Variants in LSP1 observed in about 807,000 individuals in gnomAD.
LSP1 encodes lymphocyte-specific protein 1.
In LSP1, 32 loss-of-function variants were observed where a neutral mutation model predicts 49.3. The ratio of observed to expected loss-of-function variants is 0.65; its 90% CI spans 0.49 to 0.87. The LOEUF (loss-of-function observed/expected upper bound fraction) is 0.87, where lower values mean the gene tolerates loss of function less well. LSP1 is among the 40% of genes least tolerant of loss of function. LSP1 has a pLI of 0.00. For synonymous variants in LSP1, 179 were observed against 178.8 expected (o/e 1.00, Z -0.01); for missense variants, 428 against 442.6 (o/e 0.97, Z 0.30).
Position 1,874,117 on chromosome 11 carries a change from C to CCGGGGACAG in LSP1, c.54-5970_54-5969insCGGGGACAG, listed in dbSNP as rs1565079710. ...CAGGGAGGCCGGCAGAGGAGGGAGG[C>CCGGGGACAG]TGGGGACAGTGGGGGCAGGCCGGGG... On this transcript the variant is annotated intron_variant, in intron 1 of 10. Coordinates refer to ENST00000311604, the MANE Select transcript of LSP1 (RefSeq NM_002339.3). 3.2e-4 allele frequency among the ~76,000 whole-genome samples: 45 copies of CCGGGGACAG among 140,986 alleles called. 1 individual carries two copies. Among genetic ancestry groups the CCGGGGACAG allele is most frequent in the Non-Finnish European group, 5.4e-4 (35 of 64,944 alleles). The allele number at this position is 140,986 out of a possible 152,430, so 92.5% of individuals were successfully genotyped here.
chr11:1,857,172 G>A (rs1399849064), intron 1 of LSP1, among the ~76,000 whole-genome samples: 2 of 152,178 alleles, frequency 1.3e-5, no homozygotes, highest in African/African-American at 4.8e-5. Context: ...AGCTGGGCTG[G>A]TCGCACAAGT....
chr11:1,873,551 A>G (rs1340524555), intron 1 of LSP1, among the ~76,000 whole-genome samples: 2 of 150,248 alleles, frequency 1.3e-5, no homozygotes, highest in African/African-American at 4.9e-5. Context: ...GGAGGGAAGG[A>G]TAGAGGGAGG....
chr11:1,888,243 C>G (rs1364575081), intron 10 of LSP1, among the ~76,000 whole-genome samples: 1 of 152,222 alleles, frequency 6.6e-6, no homozygotes, highest in Non-Finnish European at 1.5e-5. Flanking sequence ...CTGTGTCCCT[C>G]TCCTGTGGTT....
At chr11:1,889,413 C>G (rs903784464) in intron 10 of LSP1, 10 of 680,482 alleles carry the variant, frequency 1.5e-5, no homozygotes, top group Non-Finnish European at 2.5e-5. Flanking sequence ...GGCGGGGGCC[C>G]GGGGTGCGGT....
At chr11:1,862,487 T>G (rs1847667889) in intron 1 of LSP1, among the ~76,000 whole-genome samples, 1 of 152,186 alleles carries the variant, frequency 6.6e-6, no homozygotes, top group Non-Finnish European at 1.5e-5. Context: ...TTCCTGGCTG[T>G]CTGTGGCTGG....
intron 7 of LSP1, among the ~76,000 whole-genome samples, chr11:1,886,166 C>G (rs1565088536): frequency 6.6e-6 from 1 of 152,104 alleles, no homozygotes; most frequent in Non-Finnish European, 1.5e-5. Flanking sequence ...TCCATCCAAC[C>G]AATACTCCTT....
chr11:1,881,287 G>A, intron 2 of LSP1, 145 bp from the exon 3 acceptor site: 1 of 767,846 alleles, frequency 1.3e-6, no homozygotes, highest in Non-Finnish European at 2.0e-6. Flanking sequence ...GACCACAGGA[G>A]ACACAGCCCA....
rs1589808738 is a variant in LSP1, at chr11:1,864,198, AAG to A, written c.53+11004_53+11005del. On this transcript the variant is annotated intron_variant, in intron 1 of 10. Transcript: ENST00000311604. ...AGACGGGGAAGGAGGGGACGGGACAAAGAGGAACCAGCGAAGGGTCCAGGCCT... is the reference window on the plus strand; with the variant it reads ...AGACGGGGAAGGAGGGGACGGGACAAAGGAACCAGCGAAGGGTCCAGGCCT... 4.1e-6 allele frequency: 4 copies of A among 986,904 alleles called. No individual in the cohort carries two copies. In the East Asian group the frequency reaches 4.6e-4, roughly 113 times the overall value. The allele number at this position is 986,904 out of a possible 1,614,324, so 61.1% of individuals were successfully genotyped here.
chr11:1,855,953 A>C (rs1458124127), intron 1 of LSP1, among the ~76,000 whole-genome samples: 1 of 152,188 alleles, frequency 6.6e-6, no homozygotes, highest in Non-Finnish European at 1.5e-5. Context: ...TTGCCCTCTC[A>C]GACCTTGGGT....
chr11:1,864,977 G>A (rs1002848868), intron 1 of LSP1, among the ~76,000 whole-genome samples: 6 of 152,014 alleles, frequency 3.9e-5, no homozygotes, highest in African/African-American at 1.4e-4. Context: ...CAGGGGAGGG[G>A]TGACAGCCAG....
chr11:1,860,421 G>A (rs1167831698), intron 1 of LSP1, among the ~76,000 whole-genome samples: 2 of 152,138 alleles, frequency 1.3e-5, no homozygotes, highest in African/African-American at 2.4e-5. Flanking sequence ...ATGGACTCAT[G>A]TATAAATAGA....
Position 1,873,746 on chromosome 11 carries a change from G to A in LSP1, c.54-6341G>A, listed in dbSNP as rs553347862. ...AGAAGAAAAAGCTGGAACCAAGTCTGGGCTAGTCTGGTGGTTGTGGGGCAG... is the reference window on the plus strand; with the variant it reads ...AGAAGAAAAAGCTGGAACCAAGTCTAGGCTAGTCTGGTGGTTGTGGGGCAG... On this transcript the variant is annotated intron_variant, in intron 1 of 10. Transcript: ENST00000311604. Among the ~76,000 whole-genome samples the A allele has an allele frequency of 3.5e-4, 54 of 152,208 alleles. 1 individual carries two copies. Among genetic ancestry groups the A allele is most frequent in the Middle Eastern group, 6.8e-3 (2 of 294 alleles).
chr11:1,864,256 C>A (rs1047926535), intron 1 of LSP1: 17 of 987,172 alleles, frequency 1.7e-5, no homozygotes, highest in African/African-American at 5.3e-5. Flanking sequence ...GGCAGGTTGA[C>A]GAGGGGCTGG....
chr11:1,880,221 T>A lies in LSP1; in HGVS notation c.188T>A (p.Met63Lys). 1.3e-6 allele frequency: 2 copies of A among 1,595,232 alleles called. No individual in the cohort carries two copies. Among genetic ancestry groups the A allele is most frequent in the Non-Finnish European group, 1.7e-6 (2 of 1,168,662 alleles). Reference sequence around the variant, plus strand: ...GTCCCCGAGCGGCCGAAGCAGGAGATGCTGTGAGCAGCCCCATAACGCGTG... The same window carrying A: ...GTCCCCGAGCGGCCGAAGCAGGAGAAGCTGTGAGCAGCCCCATAACGCGTG... ...GHVPERPKQE[M>K]LLSLKPSEAP... Residue 63 changes from methionine to lysine, a missense_variant, in exon 2 of 11, where the codon ATG becomes AAG. Transcript: ENST00000311604.
In LSP1 at chr11:1,870,205, C is replaced by T. The variant is rs892522569; in HGVS notation, c.54-9882C>T. 8.2e-5 allele frequency: 94 copies of T among 1,147,820 alleles called. No homozygotes were observed. The Admixed American group carries it at 2.1e-3, about 25-fold the overall frequency. The allele number at this position is 1,147,820 out of a possible 1,614,324, so 71.1% of individuals were successfully genotyped here. ...CCTCAGCCATGAGGACATCCCAAGGCCATGTGAGTCTCCCACGGCCCACTG... is the reference window on the plus strand; with the variant it reads ...CCTCAGCCATGAGGACATCCCAAGGTCATGTGAGTCTCCCACGGCCCACTG... On this transcript the variant is annotated intron_variant, in intron 1 of 10. Coordinates refer to ENST00000311604, the MANE Select transcript of LSP1 (RefSeq NM_002339.3).
chr11:1,866,589 C>G, intron 1 of LSP1: 3 of 1,549,860 alleles, frequency 1.9e-6, no homozygotes, highest in Non-Finnish European at 2.6e-6. Flanking sequence ...CAGCCTCCCC[C>G]TACCCCTGGC....
rs1309128912 is a variant in LSP1 at position 1,891,855 on chromosome 11, T to G, written c.*96T>G. ...CAGCCAGACACCCGCCCCCCGGCCC[T>G]GGCTAAGAAGTTGCTTCCTGTTGCC... On this transcript the variant is annotated 3_prime_UTR_variant, in exon 11 of 11. Coordinates refer to ENST00000311604, the MANE Select transcript of LSP1 (RefSeq NM_002339.3). 2 of 145,250 alleles carry G rather than the reference T, an allele frequency of 1.4e-5. No homozygotes were observed. Among genetic ancestry groups the G allele is most frequent in the African/African-American group, 2.6e-5 (1 of 38,688 alleles). The allele number at this position is 145,250 out of a possible 1,614,324, so 9.0% of individuals were successfully genotyped here. A position where few individuals can be genotyped will look rare whatever the true frequency, so the allele number is the denominator to read the frequency against.
At chr11:1,879,365 ACAGCT>A (rs749286266) in intron 1 of LSP1, among the ~76,000 whole-genome samples, 1 of 152,066 alleles carries the variant, frequency 6.6e-6, no homozygotes, top group Non-Finnish European at 1.5e-5. Flanking sequence ...AACAAAAGAA[ACAGCT>A]CAGAGAGACT....
intron 10 of LSP1, chr11:1,889,432 G>A (rs976065284): frequency 3.0e-6 from 2 of 666,168 alleles, no homozygotes; most frequent in Admixed American, 2.2e-5. Flanking sequence ...GTGAGGGCGG[G>A]CACCTCCTGC....
Sources: gnomAD v4.1 joint callset for allele counts (sites outside exome capture counted in the v4.1 genomes callset) on GRCh38, gnomAD v4.1.1 for gene constraint, MANE v1.5 for transcripts, NCBI Gene and HGNC (gene_info 2026-07-23, HGNC 2026-07-21) for gene names.